Variants in DDX20 observed in about 807,000 individuals in gnomAD.
DDX20 encodes DEAD-box helicase 20.
A neutral mutation model predicts 76.4 loss-of-function variants in DDX20; 61 were observed. That is an observed-to-expected ratio of 0.80 (90% CI 0.65 to 0.99). DDX20 has a LOEUF of 0.99. Ranked by LOEUF, DDX20 falls within the 50% of genes least tolerant of loss-of-function variation. The probability of loss-of-function intolerance (pLI) is 0.00; values close to 1 mark genes in which losing one functional copy is unlikely to be tolerated. For missense variants in DDX20, 976 were observed against 996.8 expected, an observed-to-expected ratio of 0.98 and a Z score of 0.28; for synonymous variants, 357 against 357.4, an observed-to-expected ratio of 1.00 and a Z score of 0.01.
intron 2 of DDX20, among the ~76,000 whole-genome samples, chr1:111,757,520 C>T (rs1663585974): frequency 6.6e-6 from 1 of 152,284 alleles, no homozygotes; most frequent in East Asian, 1.9e-4. Context: ...AACAGTGTGC[C>T]AGGCATTGGG....
At position 111,766,023 on chromosome 1, in the gene DDX20, A is replaced by G. The variant is rs1663771584; in HGVS notation, c.1599A>G (p.Pro533=). 1 of 1,614,212 alleles carries G rather than the reference A, an allele frequency of 6.2e-7. No homozygotes were observed. The highest frequency in any genetic ancestry group is 2.2e-5 in the East Asian group (1 of 44,890). ...GAATCATAGAAAAAGCAACGTCACC[A>G]AAAGAACTGGGCTGTGACAGGCAAT... is the stretch of plus-strand genomic sequence containing the variant. ...ECGIIEKATS[P]KELGCDRQSE... Residue 533 remains proline (P), a synonymous_variant, in exon 11 of 11, where the codon CCA becomes CCG. Transcript: ENST00000369702.
rs150649584 is a variant in DDX20 at position 111,765,833 on chromosome 1, A to C, written c.1409A>C (p.Gln470Pro). The change falls in exon 11 of 11, where the codon CAA (glutamine) becomes CCA (proline). Residue 470 changes from glutamine (Q) to proline (P), a missense_variant. Physicochemically the swap from Gln to Pro is moderately conservative, Grantham distance 76 (BLOSUM62 -1). This residue lies in a region of DDX20 where 630 missense variants were observed against 693.7 expected (regional missense o/e 0.91). Coordinates refer to ENST00000369702, the MANE Select transcript of DDX20 (RefSeq NM_007204.5). ...HTYGIASVPN[Q>P]PLKKQIQKIE... Reference sequence around the variant, plus strand: ...TATGGTATAGCAAGTGTACCTAACCAACCCTTAAAAAAGCAAATTCAGAAA... The same window carrying C: ...TATGGTATAGCAAGTGTACCTAACCCACCCTTAAAAAAGCAAATTCAGAAA... 6 of 1,614,066 alleles carry C rather than the reference A, an allele frequency of 3.7e-6. No homozygotes were observed. In the African/African-American group the frequency reaches 6.7e-5, roughly 18 times the overall value.
intron 1 of DDX20, 120 bp from the exon 2 acceptor site, chr1:111,756,526 A>G: frequency 1.2e-6 from 1 of 819,876 alleles, no homozygotes; most frequent in South Asian, 1.7e-5. Flanking sequence ...AGAATCAACT[A>G]AAAATGAAGG....
rs1557921938 is a variant in DDX20 at position 111,760,844 on chromosome 1, C to T, written c.819C>T (p.Leu273=). 1 of 1,611,160 alleles carries T rather than the reference C, an allele frequency of 6.2e-7. No homozygotes were observed. The highest frequency in any genetic ancestry group is 8.5e-7 in the Non-Finnish European group (1 of 1,179,038). ...GACTGAATTCCAGTGATCCAAGTCTCATAGGTGTGTACAGCTTTTAGGTAC... is the reference window on the plus strand; with the variant it reads ...GACTGAATTCCAGTGATCCAAGTCTTATAGGTGTGTACAGCTTTTAGGTAC... ...FVRLNSSDPS[L]IGLKQYYKVV... The change falls in exon 5 of 11, where the codon CTC becomes CTT. Residue 273 remains leucine (L), a synonymous_variant. Transcript: ENST00000369702.
Position 111,765,947 on chromosome 1 carries a change from C to T in DDX20, c.1523C>T (p.Ser508Leu), listed in dbSNP as rs61744783. 1.9e-6 allele frequency: 3 copies of T among 1,612,752 alleles called. No homozygotes were observed. Among genetic ancestry groups the T allele is most frequent in the Non-Finnish European group, 2.5e-6 (3 of 1,179,746 alleles). Residue 508 changes from serine (S) to leucine (L), a missense_variant, in exon 11 of 11, where the codon TCA (serine) becomes TTA (leucine). Around this residue, in one of 3 missense-constraint regions of DDX20, gnomAD observed 630 missense variants for 693.7 expected, o/e 0.91. Transcript: ENST00000369702. The part of the protein sequence containing the change: ...NNSVSGLSVK[S>L]KNNTKQKLPV... ...TCTGTATCTGGACTATCAGTCAAAT[C>T]AAAAAATAATACCAAACAAAAGCTT...
At chr1:111,764,302 C>G (rs1266311331) in intron 10 of DDX20, among the ~76,000 whole-genome samples, 3 of 151,820 alleles carry the variant, frequency 2.0e-5, no homozygotes, top group Non-Finnish European at 4.4e-5. Context: ...AAGAAAAATA[C>G]ACATATAGTA....
Position 111,762,910 on chromosome 1 carries a change from A to G in DDX20, c.1215A>G (p.Thr405=). ...TAACATTCTCTCTGCTTTTAGGTAC[A>G]TTGGGGCTGACAGTGACCTACTGTT... ...HRIGRAGRFG[T]LGLTVTYCCR... is the part of the protein sequence containing the mutation. Residue 405 remains threonine, a synonymous_variant, in exon 10 of 11, where the codon ACA becomes ACG. Coordinates refer to ENST00000369702, the MANE Select transcript of DDX20 (RefSeq NM_007204.5). 6.2e-7 allele frequency: 1 copy of G among 1,613,732 alleles called. No homozygotes were observed. Among genetic ancestry groups the G allele is most frequent in the Non-Finnish European group, 8.5e-7 (1 of 1,179,684 alleles).
chr1:111,766,483 T>C lies in DDX20; in HGVS notation c.2059T>C (p.Ser687Pro). 6.2e-7 allele frequency: 1 copy of C among 1,614,176 alleles called. No homozygotes were observed. Among genetic ancestry groups the C allele is most frequent in the Non-Finnish European group, 8.5e-7 (1 of 1,180,014 alleles). Residue 687 changes from serine (S) to proline (P), a missense_variant, in exon 11 of 11, where the codon TCT becomes CCT. Transcript: ENST00000369702. ...SSDNQLKDSE[S>P]TPVDDRISLE... is the part of the protein sequence containing the mutation. ...TGATAATCAGCTGAAAGACTCTGAA[T>C]CTACGCCTGTGGATGATCGTATTTC... is the stretch of plus-strand genomic sequence containing the variant.
chr1:111,756,282 GGGC>G, intron 1 of DDX20, 57 bp downstream of exon 1: 2 of 1,367,682 alleles, frequency 1.5e-6, no homozygotes, highest in Non-Finnish European at 1.9e-6. Context: ...GGGGACCGAC[GGGC>G]GGCGGCGGCC....
intron 8 of DDX20, 122 bp from the exon 9 acceptor site, chr1:111,762,555 T>C: frequency 1.1e-6 from 1 of 928,708 alleles, no homozygotes; most frequent in Non-Finnish European, 1.6e-6. Flanking sequence ...TTCCTTTTCC[T>C]CTGCTCCTCA....
Position 111,760,468 on chromosome 1 carries a change from A to G in DDX20, c.566-6A>G, listed in dbSNP as rs766999749. 1.9e-6 allele frequency: 3 copies of G among 1,540,276 alleles called. No homozygotes were observed. Among genetic ancestry groups the G allele is most frequent in the Middle Eastern group, 1.7e-4 (1 of 5,744 alleles). ...ATAAATATTTCAATTTTTTTTTTTT[A>G]ATTAGGCAGAATTAAGCAACTCATA... On this transcript the variant is annotated splice_region_variant and splice_polypyrimidine_tract_variant and intron_variant, in intron 3 of 10. Coordinates refer to ENST00000369702, the MANE Select transcript of DDX20 (RefSeq NM_007204.5).
rs1557920268 is a variant in DDX20 at position 111,756,714 on chromosome 1, C to T, written c.370C>T (p.Leu124Phe). 6.2e-7 allele frequency: 1 copy of T among 1,614,116 alleles called. No individual in the cohort carries two copies. The highest frequency in any genetic ancestry group is 2.2e-5 in the East Asian group (1 of 44,876). Reference sequence around the variant, plus strand: ...GTTCTCCACCATAGCTTTGGACTCTCTTGTTCTTGAAAACTTAAGTACCCA... The same window carrying T: ...GTTCTCCACCATAGCTTTGGACTCTTTTGTTCTTGAAAACTTAAGTACCCA... ...CVFSTIALDS[L>F]VLENLSTQIL... The change falls in exon 2 of 11, where the codon CTT (leucine) becomes TTT (phenylalanine). Residue 124 changes from leucine (L) to phenylalanine (F), a missense_variant. Leu to Phe is a conservative substitution (Grantham distance 22). This residue lies in a region of DDX20 where 343 missense variants were observed against 286.4 expected (regional missense o/e 1.20). Coordinates refer to ENST00000369702, the MANE Select transcript of DDX20 (RefSeq NM_007204.5).
At chr1:111,757,662 A>C (rs1402267306) in intron 2 of DDX20, among the ~76,000 whole-genome samples, 1 of 152,210 alleles carries the variant, frequency 6.6e-6, no homozygotes, top group African/African-American at 2.4e-5. Context: ...TTTAACCCAG[A>C]TATCCATGTT....
At chr1:111,764,127 C>A (rs1436290645) in intron 10 of DDX20, among the ~76,000 whole-genome samples, 1 of 151,864 alleles carries the variant, frequency 6.6e-6, no homozygotes, top group Admixed American at 6.5e-5. Context: ...AAAAAAAATA[C>A]AGAAAATTAG....
chr1:111,767,971 C>T lies in DDX20; in HGVS notation c.*1072C>T, dbSNP rs982050123. Reference sequence around the variant, plus strand: ...TCTGAGCTGATGCATCTGTAAATTACGATTTAGAAAAATATAATTGGAAAT... The same window carrying T: ...TCTGAGCTGATGCATCTGTAAATTATGATTTAGAAAAATATAATTGGAAAT... On this transcript the variant is annotated 3_prime_UTR_variant, in exon 11 of 11. Transcript: ENST00000369702. 3.9e-5 allele frequency: 6 copies of T among 152,074 alleles called. No homozygotes were observed. Among genetic ancestry groups the T allele is most frequent in the Admixed American group, 1.3e-4 (2 of 15,268 alleles). 9.4% of individuals were successfully genotyped at this position (152,074 alleles called of 1,614,324 possible). A position where few individuals can be genotyped will look rare whatever the true frequency, so the allele number is the denominator to read the frequency against.
At chr1:111,761,869 G>A (rs765256844) in intron 7 of DDX20, 11 of 160,512 alleles carry the variant, frequency 6.9e-5, no homozygotes, top group Admixed American at 1.9e-4. Flanking sequence ...AGATACTGGG[G>A]AGACTATTTT....
rs137891522 is a variant in DDX20, at chr1:111,766,021, C to T, written c.1597C>T (p.Pro533Ser). Reference protein sequence around the residue: ...ECGIIEKATSPKELGCDRQSE... With the variant: ...ECGIIEKATSSKELGCDRQSE... Reference sequence around the variant, plus strand: ...TGGAATCATAGAAAAAGCAACGTCACCAAAAGAACTGGGCTGTGACAGGCA... The same window carrying T: ...TGGAATCATAGAAAAAGCAACGTCATCAAAAGAACTGGGCTGTGACAGGCA... Residue 533 changes from proline to serine, a missense_variant, in exon 11 of 11, where the codon CCA becomes TCA. Pro to Ser is a moderately conservative substitution (Grantham distance 74, BLOSUM62 -1). Coordinates refer to ENST00000369702, the MANE Select transcript of DDX20 (RefSeq NM_007204.5). 1.4e-5 allele frequency: 23 copies of T among 1,614,016 alleles called. No individual in the cohort carries two copies. In the African/African-American group the frequency reaches 2.8e-4, roughly 20 times the overall value.
rs181968690 is a variant in DDX20 at position 111,766,084 on chromosome 1, G to A, written c.1660G>A (p.Val554Ile). Reference protein sequence around the residue: ...EQMKNSVQTPVENSTNSQHQV... With the variant: ...EQMKNSVQTPIENSTNSQHQV... ...AATGAAGAATTCTGTTCAGACTCCC[G>A]TTGAAAACTCCACCAACAGTCAGCA... Residue 554 changes from valine to isoleucine, a missense_variant, in exon 11 of 11, where the codon GTT becomes ATT. Val to Ile is a conservative substitution (Grantham distance 29). Transcript: ENST00000369702. The A allele has an allele frequency of 4.8e-5, 78 of 1,614,044 alleles. No individual in the cohort carries two copies. In the Admixed American group the frequency reaches 9.8e-4, roughly 20 times the overall value.
rs764862026 is a variant in DDX20, at chr1:111,766,407, A to G, written c.1983A>G (p.Ser661=). The G allele has an allele frequency of 1.2e-6, 2 of 1,613,876 alleles. No homozygotes were observed. Among genetic ancestry groups the G allele is most frequent in the South Asian group, 2.2e-5 (2 of 91,078 alleles). The change falls in exon 11 of 11, where the codon TCA becomes TCG. Residue 661 remains serine, a synonymous_variant. Coordinates refer to ENST00000369702, the MANE Select transcript of DDX20 (RefSeq NM_007204.5). The part of the protein sequence containing the change: ...DSESDSDSYS[S]RTSSQSKGNK... ...AGAGTGACAGTGATTCTTACAGCTC[A>G]AGAACCTCTTCCCAGAGCAAAGGAA...
Sources: gnomAD v4.1 joint callset for allele counts (sites outside exome capture counted in the v4.1 genomes callset) on GRCh38, gnomAD v4.1.1 for gene constraint, gnomAD v4.1.1 regional missense constraint, MANE v1.5 for transcripts, NCBI Gene and HGNC (gene_info 2026-07-23, HGNC 2026-07-21) for gene names.